CACNA2D2: variants seen among roughly 807,000 people sequenced by gnomAD.
CACNA2D2 encodes the protein voltage-dependent calcium channel subunit alpha-2/delta-2.
In CACNA2D2, 48 loss-of-function variants were observed where a neutral mutation model predicts 166.4. The observed-to-expected ratio is 0.29, with a 90% CI of 0.23 to 0.37. The LOEUF is 0.37. Ranked by LOEUF, CACNA2D2 falls within the 10% of genes least tolerant of loss-of-function variation. The pLI is 1.00. For synonymous variants in CACNA2D2, 561 were observed against 573.7 expected, an observed-to-expected ratio of 0.98 and a Z score of 0.32; for missense variants, 1,122 against 1,433.0, an observed-to-expected ratio of 0.78 and a Z score of 3.50.
chr3:50,455,573 G>A (rs77983325), intron 2 of CACNA2D2, among the ~76,000 whole-genome samples: 1,973 of 152,250 alleles, frequency 0.013, 36 homozygotes, highest in Non-Finnish European at 0.015. Context: ...TAAACACAGC[G>A]TTACAAACAT....
At position 50,387,597 on chromosome 3, in the gene CACNA2D2, A is replaced by G. The variant is rs1705676124; in HGVS notation, c.481T>C (p.Tyr161His). ...QDNIKEEDIV[Y>H]YDAKADAELD... ...TCAGCGTCAGCCTTGGCGTCATAGT[A>G]CACGATGTCTTCCTCCTGGTGAGGG... Residue 161 changes from tyrosine to histidine, a missense_variant, in exon 5 of 38, where the codon TAC (tyrosine) becomes CAC (histidine). Coordinates refer to ENST00000424201, the MANE Select transcript of CACNA2D2 (RefSeq NM_006030.4). 2 of 1,613,654 alleles carry G rather than the reference A, an allele frequency of 1.2e-6. No individual in the cohort carries two copies. Among genetic ancestry groups the G allele is most frequent in the East Asian group, 4.5e-5 (2 of 44,874 alleles).
Position 50,375,323 on chromosome 3 carries a change from G to A in CACNA2D2, c.1907+321C>T, listed in dbSNP as rs947021711. On this transcript the variant is annotated intron_variant, in intron 21 of 37. Transcript: ENST00000424201. The surrounding 1 kb of genome is among the most constrained non-coding windows in gnomAD (Gnocchi z 4.0). The stretch of plus-strand genomic sequence containing the variant: ...GACTAGCTGTGTGGGGCAGGCAGAG[G>A]TCAGCCTGCACTGACCCAGCCTGAC... 1.3e-5 allele frequency among the ~76,000 whole-genome samples: 2 copies of A among 152,186 alleles called. No homozygotes were observed. The highest frequency in any genetic ancestry group is 2.4e-5 in the African/African-American group (1 of 41,442).
chr3:50,494,924 C>T (rs762182004), intron 1 of CACNA2D2, among the ~76,000 whole-genome samples: 2 of 152,236 alleles, frequency 1.3e-5, no homozygotes, highest in Non-Finnish European at 2.9e-5. Context: ...GATCCTCCCA[C>T]CTCGGCCTCC....
intron 3 of CACNA2D2, among the ~76,000 whole-genome samples, chr3:50,395,855 G>A (rs919287487): frequency 7.2e-5 from 11 of 152,184 alleles, no homozygotes; most frequent in Non-Finnish European, 1.5e-4. Context: ...ACACTGAGTG[G>A]TGGGGGAGGC....
chr3:50,447,077 T>G (rs1443787389), intron 2 of CACNA2D2, among the ~76,000 whole-genome samples: 2 of 152,136 alleles, frequency 1.3e-5, no homozygotes, highest in African/African-American at 4.8e-5. Context: ...AAACAGATTG[T>G]GTACCTTCCC....
chr3:50,418,460 G>A (rs1213797981), intron 3 of CACNA2D2, among the ~76,000 whole-genome samples: 1 of 152,138 alleles, frequency 6.6e-6, no homozygotes, highest in Non-Finnish European at 1.5e-5. Context: ...CCCTCTTCCT[G>A]GCTAATTCTA....
rs1483268260 is a variant in CACNA2D2 at position 50,366,820 on chromosome 3, T to A, written c.2589+11A>T. 6.2e-7 allele frequency: 1 copy of A among 1,612,838 alleles called. No homozygotes were observed. The highest frequency in any genetic ancestry group is 8.5e-7 in the Non-Finnish European group (1 of 1,179,656). Reference sequence around the variant, plus strand: ...ACTGCTGGGTTACTGCCCCCGCCCCTGCCCAAATACCTTCTGAGGCTGGTC... The same window carrying A: ...ACTGCTGGGTTACTGCCCCCGCCCCAGCCCAAATACCTTCTGAGGCTGGTC... On this transcript the variant is annotated intron_variant, in intron 29 of 37. Coordinates refer to ENST00000424201, the MANE Select transcript of CACNA2D2 (RefSeq NM_006030.4). The surrounding 1 kb of genome is among the most constrained non-coding windows in gnomAD (Gnocchi z 5.9).
At chr3:50,460,965 AT>A (rs1709562212) in intron 2 of CACNA2D2, among the ~76,000 whole-genome samples, 1 of 152,216 alleles carries the variant, frequency 6.6e-6, no homozygotes, top group African/African-American at 2.4e-5. Flanking sequence ...CAGAAATGGA[AT>A]ATTGGAGACA....
intron 23 of CACNA2D2, among the ~76,000 whole-genome samples, chr3:50,368,978 G>T (rs894279106): frequency 6.6e-6 from 1 of 152,214 alleles, no homozygotes; most frequent in Non-Finnish European, 1.5e-5. Context: ...ACCAGGGACC[G>T]CTTCATTGTC....
At chr3:50,448,970 C>T (rs186898309) in intron 2 of CACNA2D2, among the ~76,000 whole-genome samples, 224 of 152,370 alleles carry the variant, frequency 1.5e-3, no homozygotes, top group Middle Eastern at 6.8e-3. Flanking sequence ...GGGATCCTTC[C>T]TGCCCACCCC....
rs587604367 is a variant in CACNA2D2 at position 50,368,266 on chromosome 3, CT to C, written c.2046-32del. ...GATGGGGAGGGGCAAGAAGAGTGGG[CT>C]TGGGGGGCTGGACAGGGCAATGGGG... On this transcript the variant is annotated intron_variant, in intron 23 of 37. Transcript: ENST00000424201. The C allele has an allele frequency of 8.0e-5, 112 of 1,397,188 alleles. No homozygotes were observed. In the African/African-American group the frequency reaches 1.0e-3, roughly 13 times the overall value. The allele number at this position is 1,397,188 out of a possible 1,614,324, so 86.5% of individuals were successfully genotyped here.
At chr3:50,412,118 C>G (rs551047608) in intron 3 of CACNA2D2, among the ~76,000 whole-genome samples, 1 of 152,378 alleles carries the variant, frequency 6.6e-6, no homozygotes, top group South Asian at 2.1e-4. Context: ...AGGCTGCTCA[C>G]CTCGGCCTCT....
rs1707870822 is a variant in CACNA2D2 at position 50,427,773 on chromosome 3, A to G, written c.405+6540T>C. ...CCACAGCGCTGGCAACTGTTCTACA[A>G]ATGTTCACCAGTTTGCAGAACTCGT... On this transcript the variant is annotated intron_variant, in intron 3 of 37. Transcript: ENST00000424201. The surrounding 1 kb of genome is among the most constrained non-coding windows in gnomAD (Gnocchi z 4.7). 6.6e-6 allele frequency among the ~76,000 whole-genome samples: 1 copy of G among 152,168 alleles called. No homozygotes were observed. Among genetic ancestry groups the G allele is most frequent in the African/African-American group, 2.4e-5 (1 of 41,446 alleles).
chr3:50,396,192 G>A (rs1706141314), intron 3 of CACNA2D2, among the ~76,000 whole-genome samples: 1 of 151,874 alleles, frequency 6.6e-6, no homozygotes, highest in Non-Finnish European at 1.5e-5. Flanking sequence ...AGCTCAGAGT[G>A]CCCCTCTGAG....
chr3:50,410,480 TGGG>T (rs34908525), intron 3 of CACNA2D2, among the ~76,000 whole-genome samples: 1 of 141,288 alleles, frequency 7.1e-6, no homozygotes, highest in Admixed American at 6.9e-5. Context: ...CTCCCTGGGA[TGGG>T]GGGGGGGGTG....
chr3:50,416,107 T>C (rs762814628), intron 3 of CACNA2D2: 1 of 152,246 alleles, frequency 6.6e-6, no homozygotes, highest in Non-Finnish European at 1.5e-5. Flanking sequence ...CTTGAGGTCA[T>C]GTTGGGGACT....
intron 2 of CACNA2D2, among the ~76,000 whole-genome samples, chr3:50,453,462 C>T (rs1352645850): frequency 6.6e-6 from 1 of 152,214 alleles, no homozygotes. Context: ...TCAAGAAAAC[C>T]CTGTCACGGG....
At chr3:50,493,272 G>A (rs772887637) in intron 1 of CACNA2D2, among the ~76,000 whole-genome samples, 5 of 152,172 alleles carry the variant, frequency 3.3e-5, no homozygotes, top group Non-Finnish European at 7.3e-5. Flanking sequence ...TGATTAGCCG[G>A]AACCAATCAC....
chr3:50,392,214 C>T (rs1705922901), intron 4 of CACNA2D2, among the ~76,000 whole-genome samples: 1 of 152,196 alleles, frequency 6.6e-6, no homozygotes, highest in Non-Finnish European at 1.5e-5. Context: ...CCTGCACCCT[C>T]CCCTGGCATG....
Sources: allele counts gnomAD v4.1 joint callset (sites outside exome capture counted in the v4.1 genomes callset), GRCh38; gene constraint gnomAD v4.1.1; non-coding constraint Gnocchi (gnomAD v3.1); transcripts MANE v1.5; gene names NCBI Gene and HGNC (gene_info 2026-07-23, HGNC 2026-07-21).